LRP1B: variants seen among roughly 807,000 people sequenced by gnomAD.
LRP1B encodes LDL receptor related protein 1B, also known as low-density lipoprotein receptor-related protein 1B.
A neutral mutation model predicts 556.6 loss-of-function variants in LRP1B; 217 were observed. The observed-to-expected ratio is 0.39, with a 90% confidence interval of 0.35 to 0.44. The LOEUF is 0.44. Ranked by LOEUF, LRP1B falls within the 20% of genes least tolerant of loss-of-function variation. The probability of loss-of-function intolerance (pLI) is 1.00; values close to 1 mark genes in which losing one functional copy is unlikely to be tolerated. For synonymous variants in LRP1B, 2,047 were observed against 1,865.8 expected (o/e 1.10, Z -2.50); for missense variants, 5,053 against 5,620.8 (o/e 0.90, Z 3.23).
At chr2:141,684,558 C>G (rs1648647538) in intron 2 of LRP1B, among the ~76,000 whole-genome samples, 1 of 151,482 alleles carries the variant, frequency 6.6e-6, no homozygotes, top group Non-Finnish European at 1.5e-5. Flanking sequence ...ACCTATGTAA[C>G]AAACCTGCAC....
intron 3 of LRP1B, among the ~76,000 whole-genome samples, chr2:141,473,578 C>T (rs758470011): frequency 6.6e-6 from 1 of 152,120 alleles, no homozygotes; most frequent in African/African-American, 2.4e-5. Flanking sequence ...ATCTGATCAC[C>T]TTAGCACAGC....
intron 3 of LRP1B, among the ~76,000 whole-genome samples, chr2:141,312,099 A>G (rs1649220123): frequency 6.6e-6 from 1 of 152,186 alleles, no homozygotes; most frequent in Non-Finnish European, 1.5e-5. Flanking sequence ...TTTGAAATGC[A>G]TGGGTTTACC....
At chr2:140,374,281 C>T (rs1225175616) in intron 68 of LRP1B, among the ~76,000 whole-genome samples, 1 of 152,140 alleles carries the variant, frequency 6.6e-6, no homozygotes, top group African/African-American at 2.4e-5. Flanking sequence ...TACTTGTCTG[C>T]TTCTTCCACA....
intron 2 of LRP1B, among the ~76,000 whole-genome samples, chr2:141,559,361 T>C (rs1686066394): frequency 6.6e-6 from 1 of 151,678 alleles, no homozygotes; most frequent in African/African-American, 2.4e-5. Flanking sequence ...TGAATAAGAA[T>C]ACTAACCATA....
chr2:140,831,409 A>T (rs1464977225), intron 31 of LRP1B, among the ~76,000 whole-genome samples: 1 of 152,170 alleles, frequency 6.6e-6, no homozygotes, highest in Non-Finnish European at 1.5e-5. Flanking sequence ...GGCACCATGA[A>T]CATACATGGT....
At chr2:140,828,507 G>T (rs922599962) in intron 31 of LRP1B, among the ~76,000 whole-genome samples, 3 of 143,964 alleles carry the variant, frequency 2.1e-5, no homozygotes. Flanking sequence ...TACTCGGGAG[G>T]CTGAGGCAGG....
chr2:141,540,449 T>C (rs1042813921), intron 2 of LRP1B, among the ~76,000 whole-genome samples: 6 of 152,062 alleles, frequency 3.9e-5, no homozygotes, highest in African/African-American at 1.4e-4. Context: ...TTCATATATG[T>C]TCAATATTTA....
intron 3 of LRP1B, among the ~76,000 whole-genome samples, chr2:141,427,043 G>A (rs1289989766): frequency 1.3e-5 from 2 of 152,046 alleles, no homozygotes; most frequent in African/African-American, 4.8e-5. Flanking sequence ...ACCCCTGACA[G>A]GCCCTGGTGT....
intron 32 of LRP1B, among the ~76,000 whole-genome samples, chr2:140,782,860 A>C (rs1449992767): frequency 6.6e-6 from 1 of 152,186 alleles, no homozygotes; most frequent in Non-Finnish European, 1.5e-5. Flanking sequence ...AAGCGATATG[A>C]TGTGTTAACA....
intron 1 of LRP1B, among the ~76,000 whole-genome samples, chr2:142,035,336 G>C (rs1703841236): frequency 6.6e-6 from 1 of 151,648 alleles, no homozygotes. Context: ...TCCTAGCACA[G>C]GTGGTTCTCA....
At chr2:140,732,152 G>T (rs1026586673) in intron 35 of LRP1B, among the ~76,000 whole-genome samples, 5 of 151,940 alleles carry the variant, frequency 3.3e-5, no homozygotes, top group African/African-American at 1.2e-4. Flanking sequence ...GGGTACGTGG[G>T]AGGGGTTCAT....
intron 1 of LRP1B, among the ~76,000 whole-genome samples, chr2:141,939,998 G>A (rs1700748215): frequency 1.4e-5 from 1 of 73,812 alleles, no homozygotes; most frequent in South Asian, 4.6e-4. Context: ...CTAAAAGTAA[G>A]TGATAAACAT....
chr2:141,336,326 T>C (rs1342227546), intron 3 of LRP1B, among the ~76,000 whole-genome samples: 3 of 152,246 alleles, frequency 2.0e-5, no homozygotes, highest in Non-Finnish European at 4.4e-5. Context: ...TATTGTCCTG[T>C]ATGTATAATG....
intron 28 of LRP1B, 80 bp downstream of exon 28, chr2:140,851,572 T>C (rs917831700): frequency 1.3e-5 from 20 of 1,507,514 alleles, no homozygotes; most frequent in Non-Finnish European, 1.8e-5. Flanking sequence ...TGCTTTAATA[T>C]GAGTAAAATC....
chr2:141,025,630 C>T (rs752621809), intron 11 of LRP1B, among the ~76,000 whole-genome samples: 16 of 152,210 alleles, frequency 1.1e-4, no homozygotes, highest in Middle Eastern at 3.4e-3. Flanking sequence ...CAAGCAGCAA[C>T]ATCAGCTCTT....
At chr2:141,775,949 T>G (rs958609272) in intron 2 of LRP1B, among the ~76,000 whole-genome samples, 33 of 151,698 alleles carry the variant, frequency 2.2e-4, no homozygotes, top group Non-Finnish European at 3.2e-4. Flanking sequence ...TTCACACCAT[T>G]CTCCTGCCTC....
intron 1 of LRP1B, among the ~76,000 whole-genome samples, chr2:142,113,075 C>A (rs62155598): frequency 0.49 from 73,844 of 151,760 alleles, 18,406 homozygotes; most frequent in East Asian, 0.69. Flanking sequence ...AGGTGGGAGG[C>A]TTTATGCATT....
chr2:141,937,847 C>G (rs1174539355), intron 1 of LRP1B, among the ~76,000 whole-genome samples: 1 of 152,034 alleles, frequency 6.6e-6, no homozygotes, highest in Non-Finnish European at 1.5e-5. Flanking sequence ...GTCTTTCATC[C>G]ACTTTGTGTT....
chr2:140,615,726 T>C (rs1683231561), intron 41 of LRP1B, among the ~76,000 whole-genome samples: 2 of 151,810 alleles, frequency 1.3e-5, no homozygotes, highest in South Asian at 4.1e-4. Context: ...TCCATTTGCT[T>C]TGAACAAATG....
Sources: gnomAD v4.1 joint callset for allele counts (sites outside exome capture counted in the v4.1 genomes callset) on GRCh38, gnomAD v4.1.1 for gene constraint, MANE v1.5 for transcripts, NCBI Gene and HGNC (gene_info 2026-07-23, HGNC 2026-07-21) for gene names.